Variants in UNC5C observed in about 807,000 individuals in gnomAD.
UNC5C encodes unc-5 netrin receptor C, also known as netrin receptor UNC5C.
Under a neutral mutation model 99.8 loss-of-function variants are expected in UNC5C, and 47 were observed. That is an observed-to-expected ratio of 0.47 (90% CI 0.37 to 0.60). The LOEUF (loss-of-function observed/expected upper bound fraction) is 0.60, where lower values mean the gene tolerates loss of function less well. Among genes scored for constraint, UNC5C ranks in the 20% least tolerant of loss-of-function variants. UNC5C has a pLI of 0.00. For synonymous variants in UNC5C, 487 were observed against 452.2 expected (o/e 1.08, Z -0.98); for missense variants, 1,062 against 1,165.9 (o/e 0.91, Z 1.30).
chr4:95,495,290 C>T (rs531401042), intron 1 of UNC5C, among the ~76,000 whole-genome samples: 2 of 151,608 alleles, frequency 1.3e-5, no homozygotes, highest in African/African-American at 4.8e-5. Flanking sequence ...ACTTGTAACT[C>T]TGTCAGTTTT....
chr4:95,251,841 C>T (rs1739749800), intron 4 of UNC5C, among the ~76,000 whole-genome samples: 2 of 152,130 alleles, frequency 1.3e-5, no homozygotes, highest in Non-Finnish European at 2.9e-5. Flanking sequence ...TCAAATAATG[C>T]TCCTCTAATC....
intron 1 of UNC5C, among the ~76,000 whole-genome samples, chr4:95,500,084 A>T (rs927704584): frequency 6.6e-6 from 1 of 152,162 alleles, no homozygotes; most frequent in African/African-American, 2.4e-5. Context: ...GAAACTTAAT[A>T]TAAATGATAA....
chr4:95,448,048 G>A (rs1747157910), intron 1 of UNC5C, among the ~76,000 whole-genome samples: 1 of 152,068 alleles, frequency 6.6e-6, no homozygotes, highest in Non-Finnish European at 1.5e-5. Flanking sequence ...GTTGAGAAAA[G>A]CAACACTTGT....
chr4:95,456,011 A>G (rs1747415431), intron 1 of UNC5C, among the ~76,000 whole-genome samples: 1 of 152,134 alleles, frequency 6.6e-6, no homozygotes, highest in South Asian at 2.1e-4. Context: ...TTGATATGCC[A>G]AAGAAATGAC....
chr4:95,479,822 C>G (rs911701563), intron 1 of UNC5C, among the ~76,000 whole-genome samples: 4 of 151,910 alleles, frequency 2.6e-5, no homozygotes, highest in Non-Finnish European at 5.9e-5. Context: ...ACTGACATAT[C>G]TGTAAGGGTG....
chr4:95,389,105 T>C (rs1745287464), intron 1 of UNC5C, among the ~76,000 whole-genome samples: 1 of 152,146 alleles, frequency 6.6e-6, no homozygotes, highest in Admixed American at 6.6e-5. Flanking sequence ...AAAACACTTG[T>C]CTTTAACCAT....
intron 1 of UNC5C, among the ~76,000 whole-genome samples, chr4:95,535,778 A>T (rs977438642): frequency 6.6e-6 from 1 of 152,008 alleles, no homozygotes; most frequent in African/African-American, 2.4e-5. Context: ...CATTTCCTAT[A>T]TCAGGAAATT....
chr4:95,407,933 G>A (rs566947124), intron 1 of UNC5C, among the ~76,000 whole-genome samples: 1 of 152,274 alleles, frequency 6.6e-6, no homozygotes, highest in East Asian at 1.9e-4. Flanking sequence ...ACTTTACTTA[G>A]GAATACCTGG....
intron 1 of UNC5C, among the ~76,000 whole-genome samples, chr4:95,407,015 A>G (rs1030677661): frequency 1.3e-4 from 20 of 152,194 alleles, no homozygotes; most frequent in African/African-American, 4.8e-4. Flanking sequence ...GTTATTGATT[A>G]TACAAAAATG....
At chr4:95,455,073 G>A (rs896044252) in intron 1 of UNC5C, among the ~76,000 whole-genome samples, 2 of 152,018 alleles carry the variant, frequency 1.3e-5, no homozygotes, top group African/African-American at 4.8e-5. Flanking sequence ...GAACAAGAGA[G>A]AAATGTGAAA....
intron 1 of UNC5C, among the ~76,000 whole-genome samples, chr4:95,353,214 G>A (rs989525252): frequency 1.4e-4 from 22 of 152,156 alleles, no homozygotes; most frequent in African/African-American, 4.1e-4. Context: ...GGTCTCAATT[G>A]TTTTTACTGC....
chr4:95,206,684 T>G lies in UNC5C; in HGVS notation c.1846A>C (p.Asn616His), dbSNP rs762623193. The G allele has an allele frequency of 3.3e-5, 54 of 1,614,088 alleles. No homozygotes were observed. In the South Asian group the frequency reaches 5.7e-4, roughly 17 times the overall value. Reference protein sequence around the residue: ...VLTMHHCADPNTEDWKILLKN... With the variant: ...VLTMHHCADPHTEDWKILLKN... ...AGCAGTATTTTCCAGTCCTCGGTATTGGGGTCTGCGCAGTGATGCATAGTG... is the reference window on the plus strand; with the variant it reads ...AGCAGTATTTTCCAGTCCTCGGTATGGGGGTCTGCGCAGTGATGCATAGTG... The change falls in exon 11 of 16, where the codon AAT becomes CAT. Residue 616 changes from asparagine (N) to histidine (H), a missense_variant. By Grantham distance (68) the Asn-to-His change is moderately conservative. This residue lies in a region of UNC5C where 810 missense variants were observed against 854.5 expected (regional missense o/e 0.95). Transcript: ENST00000453304.
chr4:95,387,058 A>G (rs531253097), intron 1 of UNC5C, among the ~76,000 whole-genome samples: 70 of 138,048 alleles, frequency 5.1e-4, no homozygotes, highest in African/African-American at 1.9e-3. Flanking sequence ...TAAAGAAGTA[A>G]TATTTAAAAA....
chr4:95,170,207 G>C lies in UNC5C; in HGVS notation c.2577C>G (p.Pro859=), dbSNP rs143104555. 7 of 1,614,020 alleles carry C rather than the reference G, an allele frequency of 4.3e-6. No individual in the cohort carries two copies. The African/African-American group carries it at 9.3e-5, about 22-fold the overall frequency. The part of the protein sequence containing the change: ...RQKLCSSLDA[P]QTRGHDWRML... ...TCCTCCAGTCATGGCCTCTCGTCTG[G>C]GGGGCATCCAGGCTGCTACAGAGCT... The change falls in exon 15 of 16, where the codon CCC becomes CCG. Residue 859 remains proline, a synonymous_variant. Coordinates refer to ENST00000453304, the MANE Select transcript of UNC5C (RefSeq NM_003728.4).
intron 4 of UNC5C, among the ~76,000 whole-genome samples, chr4:95,270,901 A>C (rs2149390889): frequency 6.6e-6 from 1 of 152,244 alleles, no homozygotes; most frequent in African/African-American, 2.4e-5. Flanking sequence ...AGGATAAGTA[A>C]CTCTCAGCCT....
chr4:95,489,341 G>A (rs1204877549), intron 1 of UNC5C, among the ~76,000 whole-genome samples: 4 of 151,622 alleles, frequency 2.6e-5, no homozygotes, highest in Non-Finnish European at 4.4e-5. Context: ...AAGGCCAGTG[G>A]AACTCAGTGA....
At chr4:95,211,925 A>G (rs1002075563) in intron 10 of UNC5C, among the ~76,000 whole-genome samples, 2 of 152,206 alleles carry the variant, frequency 1.3e-5, no homozygotes, top group South Asian at 4.1e-4. Flanking sequence ...TCCCACTGTT[A>G]GCCTTTTTAT....
chr4:95,333,923 T>C (rs1384768982), intron 2 of UNC5C, among the ~76,000 whole-genome samples: 1 of 152,074 alleles, frequency 6.6e-6, no homozygotes, highest in Non-Finnish European at 1.5e-5. Flanking sequence ...CTTGAGATTT[T>C]GAAGACATCT....
intron 7 of UNC5C, among the ~76,000 whole-genome samples, chr4:95,238,619 C>G (rs1739213573): frequency 1.3e-5 from 2 of 152,118 alleles, no homozygotes; most frequent in Admixed American, 1.3e-4. Context: ...AATAAATCCT[C>G]TCTATCTTGA....
Sources: gnomAD v4.1 joint callset for allele counts (sites outside exome capture counted in the v4.1 genomes callset) on GRCh38, gnomAD v4.1.1 for gene constraint, gnomAD v4.1.1 regional missense constraint, MANE v1.5 for transcripts, NCBI Gene and HGNC (gene_info 2026-07-23, HGNC 2026-07-21) for gene names.